STK3: variants seen among roughly 807,000 people sequenced by gnomAD.
STK3 encodes the protein serine/threonine kinase 3.
Under a neutral mutation model 58.0 loss-of-function variants are expected in STK3, and 41 were observed. The ratio of observed to expected loss-of-function variants is 0.71; its 90% confidence interval spans 0.55 to 0.92. STK3 has a LOEUF of 0.92. Among genes scored for constraint, STK3 ranks in the 40% least tolerant of loss-of-function variants. The probability of loss-of-function intolerance (pLI) is 0.00; values close to 1 mark genes in which losing one functional copy is unlikely to be tolerated. For missense variants in STK3, 479 were observed against 602.7 expected, an observed-to-expected ratio of 0.79 and a Z score of 2.15; for synonymous variants, 170 against 191.0, an observed-to-expected ratio of 0.89 and a Z score of 0.91.
chr8:98,941,197 G>C (rs1253024199), intron 1 of STK3, among the ~76,000 whole-genome samples: 1 of 152,262 alleles, frequency 6.6e-6, no homozygotes, highest in African/African-American at 2.4e-5. Context: ...GCCCTGCTGA[G>C]AGCACGGGCG....
intron 1 of STK3, among the ~76,000 whole-genome samples, chr8:98,440,173 C>T (rs183603254): frequency 6.0e-4 from 92 of 152,180 alleles, no homozygotes; most frequent in Middle Eastern, 3.4e-3. Context: ...GAGGCACAGA[C>T]GGACAAAAGG....
intron 6 of STK3, among the ~76,000 whole-genome samples, chr8:98,690,524 AGAC>A (rs1293909483): frequency 6.6e-6 from 1 of 152,076 alleles, no homozygotes; most frequent in African/African-American, 2.4e-5. Context: ...GAACTACAAA[AGAC>A]TACTAAAAGA....
intron 10 of STK3, among the ~76,000 whole-genome samples, chr8:98,492,546 A>C (rs867060044): frequency 1.3e-5 from 2 of 152,218 alleles, no homozygotes; most frequent in Non-Finnish European, 2.9e-5. Context: ...AGTTTAAAGA[A>C]AGGGAACAAC....
At chr8:98,616,483 G>A (rs2130306999) in intron 6 of STK3, among the ~76,000 whole-genome samples, 1 of 146,170 alleles carries the variant, frequency 6.8e-6, no homozygotes, top group African/African-American at 2.5e-5. Flanking sequence ...AATGTAAATG[G>A]ACTAAATGCT....
At chr8:98,654,349 T>G (rs1821279259) in intron 6 of STK3, among the ~76,000 whole-genome samples, 1 of 152,092 alleles carries the variant, frequency 6.6e-6, no homozygotes. Context: ...TAATAAGAGC[T>G]ATCTATGACA....
intron 6 of STK3, among the ~76,000 whole-genome samples, chr8:98,660,306 T>C (rs1259419063): frequency 6.6e-6 from 1 of 152,036 alleles, no homozygotes; most frequent in Non-Finnish European, 1.5e-5. Context: ...GGGTAAGAGT[T>C]GCAGTTGTGC....
chr8:98,875,849 T>G (rs1357504117), intron 3 of STK3, among the ~76,000 whole-genome samples: 1 of 152,194 alleles, frequency 6.6e-6, no homozygotes, highest in African/African-American at 2.4e-5. Context: ...AGTTTTCTCC[T>G]CCTCCTTTGG....
At chr8:98,700,169 C>A (rs147800172) in intron 6 of STK3, among the ~76,000 whole-genome samples, 2,592 of 152,320 alleles carry the variant, frequency 0.017, 31 homozygotes, top group South Asian at 0.032. Flanking sequence ...CCCTCTGATC[C>A]AAGTGCGGGA....
intron 1 of STK3, among the ~76,000 whole-genome samples, chr8:98,884,885 G>A (rs1010347954): frequency 2.7e-4 from 41 of 152,162 alleles, no homozygotes; most frequent in Middle Eastern, 3.2e-3. Context: ...TTAAACAAAT[G>A]AATAAATTCC....
intron 1 of STK3, among the ~76,000 whole-genome samples, chr8:98,902,718 T>C (rs1277781734): frequency 1.3e-5 from 2 of 152,248 alleles, no homozygotes; most frequent in East Asian, 3.8e-4. Flanking sequence ...GTCATGTCAC[T>C]ATCCTACACA....
At chr8:98,483,899 G>A (rs1418404257) in intron 10 of STK3, among the ~76,000 whole-genome samples, 2 of 152,184 alleles carry the variant, frequency 1.3e-5, no homozygotes, top group African/African-American at 2.4e-5. Flanking sequence ...TTATACAACA[G>A]AACACAGGAG....
At chr8:98,822,004 A>G (rs118118338) in intron 1 of STK3, among the ~76,000 whole-genome samples, 1 of 152,300 alleles carries the variant, frequency 6.6e-6, no homozygotes, top group East Asian at 1.9e-4. Flanking sequence ...GCCTAACATT[A>G]TGTGTTGATA....
intron 4 of STK3, among the ~76,000 whole-genome samples, chr8:98,728,385 T>G (rs1318915552): frequency 1.3e-5 from 2 of 152,198 alleles, no homozygotes; most frequent in African/African-American, 4.8e-5. Flanking sequence ...AGAGGTTGTC[T>G]TTCATGAAAT....
At chr8:98,864,068 G>A (rs897985962) in intron 3 of STK3, among the ~76,000 whole-genome samples, 3 of 151,654 alleles carry the variant, frequency 2.0e-5, no homozygotes, top group African/African-American at 7.3e-5. Context: ...GTGTGGTGGC[G>A]GGTGCCTGTA....
chr8:98,361,582 T>A, the STK3 span, among the ~76,000 whole-genome samples: 6 of 152,210 alleles, frequency 3.9e-5, no homozygotes, highest in African/African-American at 1.4e-4. Context: ...ATATTTATGA[T>A]CTTAACAAAA....
chr8:98,930,201 G>C, intron 1 of STK3, among the ~76,000 whole-genome samples: 1 of 152,276 alleles, frequency 6.6e-6, no homozygotes, highest in South Asian at 2.1e-4. Flanking sequence ...ACTACCCTGG[G>C]GAGGAGGGGA....
At chr8:98,688,657 G>A (rs1405718197) in intron 6 of STK3, among the ~76,000 whole-genome samples, 6 of 151,790 alleles carry the variant, frequency 4.0e-5, no homozygotes, top group African/African-American at 2.4e-5. Context: ...ACTAAACAAC[G>A]TGCTCCTGAA....
chr8:98,823,543 C>CT (rs1303394463), intron 1 of STK3, among the ~76,000 whole-genome samples: 3 of 152,226 alleles, frequency 2.0e-5, no homozygotes, highest in African/African-American at 7.2e-5. Flanking sequence ...TATTTAACGT[C>CT]TTTGAGCCTC....
At chr8:98,588,740 A>G (rs1270223290) in intron 7 of STK3, among the ~76,000 whole-genome samples, 1 of 151,622 alleles carries the variant, frequency 6.6e-6, no homozygotes, top group Non-Finnish European at 1.5e-5. Flanking sequence ...TACACCAATT[A>G]GACGTAGATT....
Sources: allele counts gnomAD v4.1 joint callset (sites outside exome capture counted in the v4.1 genomes callset), GRCh38; gene constraint gnomAD v4.1.1; transcripts MANE v1.5; gene names NCBI Gene and HGNC (gene_info 2026-07-23, HGNC 2026-07-21).